The following SVOP variants were observed in gnomAD, a reference collection of about 807,000 sequenced individuals.
SVOP encodes the protein synaptic vesicle 2-related protein.
A neutral mutation model predicts 69.1 loss-of-function variants in SVOP; 17 were observed. That is an observed-to-expected ratio of 0.25 (90% CI 0.17 to 0.37). SVOP has a LOEUF of 0.37. SVOP is among the 10% of genes least tolerant of loss of function. The probability of loss-of-function intolerance (pLI) is 1.00; values close to 1 mark genes in which losing one functional copy is unlikely to be tolerated. For missense variants in SVOP, 435 were observed against 597.5 expected (o/e 0.73, Z 2.84); for synonymous variants, 238 against 238.6 (o/e 1.00, Z 0.02).
At chr12:108,928,493 T>C (rs1357566471) in intron 11 of SVOP, among the ~76,000 whole-genome samples, 2 of 152,022 alleles carry the variant, frequency 1.3e-5, no homozygotes, top group Non-Finnish European at 2.9e-5. Context: ...AGAAACAGCA[T>C]GTGGAGAAGG....
intron 1 of SVOP, 80 bp downstream of exon 1, chr12:109,020,754 A>ACCCCCCTCCCC: frequency 4.2e-6 from 1 of 237,612 alleles, no homozygotes; most frequent in South Asian, 3.4e-5. Flanking sequence ...GCAGAGATGT[A>ACCCCCCTCCCC]CCCCCCCCCA....
intron 1 of SVOP, among the ~76,000 whole-genome samples, chr12:108,991,138 A>T (rs2040198138): frequency 6.6e-6 from 1 of 152,160 alleles, no homozygotes; most frequent in Non-Finnish European, 1.5e-5. Context: ...TCAGGCAAAC[A>T]TCCTGCCGTC....
rs577953825 is a variant in SVOP at position 108,998,846 on chromosome 12, G to A, written c.36-15085C>T. ...TGGAAAGGAACAACCGGTACCAGCC[G>A]TTGCAAAATCATGCCAAAATGTAAA... On this transcript the variant is annotated intron_variant, in intron 1 of 15. Coordinates refer to ENST00000610966, the MANE Select transcript of SVOP (RefSeq NM_018711.5). Among the ~76,000 whole-genome samples, 700 of 151,678 alleles carry A rather than the reference G, an allele frequency of 4.6e-3. 4 individuals carry two copies. Among genetic ancestry groups the A allele is most frequent in the Non-Finnish European group, 7.4e-3 (500 of 67,940 alleles).
intron 7 of SVOP, among the ~76,000 whole-genome samples, chr12:108,943,697 T>C (rs1055759550): frequency 2.0e-5 from 3 of 152,038 alleles, no homozygotes; most frequent in Admixed American, 6.6e-5. Flanking sequence ...TGGGAAGCCC[T>C]GAGAGAGGAC....
intron 2 of SVOP, among the ~76,000 whole-genome samples, chr12:108,983,365 CATT>C (rs1247767879): frequency 9.9e-5 from 15 of 152,150 alleles, no homozygotes; most frequent in African/African-American, 3.4e-4. Context: ...CCATTATCAT[CATT>C]GTTATTGCCA....
At chr12:108,971,439 A>G (rs1000182878) in intron 5 of SVOP, among the ~76,000 whole-genome samples, 10 of 151,908 alleles carry the variant, frequency 6.6e-5, no homozygotes, top group Non-Finnish European at 1.2e-4. Flanking sequence ...AAAAAAAAAA[A>G]AAAAAAAAAA....
At chr12:109,015,196 G>A (rs888253163) in intron 1 of SVOP, among the ~76,000 whole-genome samples, 4 of 152,180 alleles carry the variant, frequency 2.6e-5, no homozygotes, top group African/African-American at 9.7e-5. Flanking sequence ...TGAGGCAGGA[G>A]CCTGGCTGGC....
Position 108,912,030 on chromosome 12 carries a change from G to T in SVOP, c.*505C>A, listed in dbSNP as rs1177467357. ...TAGGGAGGCAAACCGGGGGGCCCCT[G>T]CCAGGAAATAGCTGCTCAGACCACA... is the stretch of plus-strand genomic sequence containing the variant. On this transcript the variant is annotated 3_prime_UTR_variant, in exon 16 of 16. Transcript: ENST00000610966. 1.5e-5 allele frequency: 6 copies of T among 393,208 alleles called. No individual in the cohort carries two copies. The highest frequency in any genetic ancestry group is 2.1e-5 in the Non-Finnish European group (6 of 287,968). 24.4% of individuals were successfully genotyped at this position (393,208 alleles called of 1,614,324 possible).
chr12:108,978,856 C>T (rs969560976), intron 2 of SVOP, among the ~76,000 whole-genome samples, 193 bp from the exon 3 acceptor site: 9 of 152,000 alleles, frequency 5.9e-5, no homozygotes, highest in African/African-American at 1.7e-4. Flanking sequence ...ACGGGAGAAA[C>T]GGAAAAACCC....
At chr12:108,932,359 A>T (rs2039826049) in intron 11 of SVOP, among the ~76,000 whole-genome samples, 1 of 152,032 alleles carries the variant, frequency 6.6e-6, no homozygotes, top group Non-Finnish European at 1.5e-5. Flanking sequence ...AAATACTATT[A>T]GGCCCAGGAG....
At chr12:109,010,642 T>A (rs2040336445) in intron 1 of SVOP, among the ~76,000 whole-genome samples, 1 of 152,038 alleles carries the variant, frequency 6.6e-6, no homozygotes, top group Non-Finnish European at 1.5e-5. Flanking sequence ...GCCTCCCAAG[T>A]AGCTGTGACC....
intron 1 of SVOP, among the ~76,000 whole-genome samples, chr12:109,013,305 T>C (rs925128626): frequency 6.6e-6 from 1 of 152,094 alleles, no homozygotes; most frequent in African/African-American, 2.4e-5. Context: ...AAAAGGAGAA[T>C]ATGGTATTGG....
chr12:108,981,458 G>A (rs1430210495), intron 2 of SVOP, among the ~76,000 whole-genome samples: 2 of 152,166 alleles, frequency 1.3e-5, no homozygotes, highest in Non-Finnish European at 2.9e-5. Context: ...TTTCAGGAAT[G>A]CATAGAATGT....
chr12:108,997,108 C>T (rs1211480556), intron 1 of SVOP, among the ~76,000 whole-genome samples: 6 of 151,728 alleles, frequency 4.0e-5, no homozygotes, highest in Admixed American at 3.3e-4. Context: ...GTGCGTGCAC[C>T]GTGCGCGAGC....
chr12:109,009,614 C>A (rs1325225450), intron 1 of SVOP, among the ~76,000 whole-genome samples: 1 of 152,018 alleles, frequency 6.6e-6, no homozygotes, highest in Non-Finnish European at 1.5e-5. Context: ...GGGGTTTCAC[C>A]ATGTTGGCCA....
At chr12:108,967,607 G>A (rs150158448) in intron 5 of SVOP, among the ~76,000 whole-genome samples, 5,596 of 152,240 alleles carry the variant, frequency 0.037, 626 homozygotes, top group Admixed American at 0.22. Flanking sequence ...GCAACTTGGC[G>A]ATATTGTTTG....
intron 12 of SVOP, 67 bp downstream of exon 12, chr12:108,922,623 A>C (rs538644372): frequency 8.2e-7 from 1 of 1,218,486 alleles, no homozygotes; most frequent in Admixed American, 2.0e-5. Context: ...AGACAGAGCC[A>C]CCAGCTGAAC....
intron 6 of SVOP, among the ~76,000 whole-genome samples, chr12:108,959,237 C>T (rs762520420): frequency 6.6e-6 from 1 of 152,142 alleles, no homozygotes; most frequent in African/African-American, 2.4e-5. Flanking sequence ...TAGGTACCTC[C>T]GCTGCTCAAG....
intron 1 of SVOP, among the ~76,000 whole-genome samples, chr12:109,002,603 G>A (rs377031878): frequency 3.3e-5 from 5 of 151,270 alleles, no homozygotes; most frequent in African/African-American, 1.2e-4. Flanking sequence ...TGTGGCACAT[G>A]TACACCATGG....
Sources: allele counts gnomAD v4.1 joint callset (sites outside exome capture counted in the v4.1 genomes callset), GRCh38; gene constraint gnomAD v4.1.1; transcripts MANE v1.5; gene names NCBI Gene and HGNC (gene_info 2026-07-23, HGNC 2026-07-21).